SCAI: variants seen among roughly 807,000 people sequenced by gnomAD.
The protein encoded by SCAI is protein SCAI.
Under a neutral mutation model 92.2 loss-of-function variants are expected in SCAI, and 24 were observed. That is an observed-to-expected ratio of 0.26 (90% CI 0.19 to 0.37). The LOEUF is 0.37. SCAI is among the 10% of genes least tolerant of loss of function. The probability of loss-of-function intolerance (pLI) is 1.00; values close to 1 mark genes in which losing one functional copy is unlikely to be tolerated. For synonymous variants in SCAI, 261 were observed against 258.6 expected, an observed-to-expected ratio of 1.01 and a Z score of -0.09; for missense variants, 450 against 736.2, an observed-to-expected ratio of 0.61 and a Z score of 4.50.
intron 7 of SCAI, 124 bp downstream of exon 7, chr9:125,020,549 T>C (rs1832851340): frequency 1.9e-6 from 1 of 525,544 alleles, no homozygotes; most frequent in Non-Finnish European, 3.3e-6. Flanking sequence ...CAGAAGTTAC[T>C]ATACTTTGAA....
At chr9:125,029,270 C>T (rs916735956) in intron 4 of SCAI, among the ~76,000 whole-genome samples, 10 of 151,934 alleles carry the variant, frequency 6.6e-5, no homozygotes, top group African/African-American at 2.4e-4. Flanking sequence ...TACAGCTGAG[C>T]ACCACCACAC....
intron 2 of SCAI, among the ~76,000 whole-genome samples, chr9:125,126,960 C>G (rs1344551731): frequency 6.6e-6 from 1 of 152,132 alleles, no homozygotes; most frequent in African/African-American, 2.4e-5. Flanking sequence ...ATATGAACTC[C>G]TTGAGGAGAT....
intron 2 of SCAI, among the ~76,000 whole-genome samples, chr9:125,122,868 C>T (rs1212402135): frequency 1.3e-5 from 2 of 151,998 alleles, no homozygotes; most frequent in African/African-American, 4.8e-5. Flanking sequence ...ATCGCACCAC[C>T]GCATTGCAGC....
At chr9:125,082,735 G>C (rs1179098024) in intron 2 of SCAI, among the ~76,000 whole-genome samples, 2 of 152,220 alleles carry the variant, frequency 1.3e-5, no homozygotes, top group Non-Finnish European at 2.9e-5. Flanking sequence ...TGACTGCCCT[G>C]CTGGATTTTG....
intron 17 of SCAI, 115 bp from the exon 18 acceptor site, chr9:124,953,068 CTTA>C: frequency 2.4e-6 from 2 of 823,916 alleles, no homozygotes; most frequent in South Asian, 1.6e-5. Flanking sequence ...TGGAATGATT[CTTA>C]TTAATATATT....
In SCAI at chr9:125,091,103, C is replaced by T. The variant is rs746053644; in HGVS notation, c.99-35096G>A. On this transcript the variant is annotated intron_variant, in intron 2 of 17. Coordinates refer to ENST00000336505, the MANE Select transcript of SCAI (RefSeq NM_001144877.3). The surrounding 1 kb of genome is among the most constrained non-coding windows in gnomAD (Gnocchi z 4.3). ...CTGCACTCCAGCCTGGGTGACAAAG[C>T]GAGACTCTGTCTCAAAAAAAAGAAA... 1.3e-5 allele frequency among the ~76,000 whole-genome samples: 2 copies of T among 152,044 alleles called. No homozygotes were observed. The highest frequency in any genetic ancestry group is 2.4e-5 in the African/African-American group (1 of 41,376).
intron 7 of SCAI, 77 bp downstream of exon 7, chr9:125,020,596 T>G: frequency 1.5e-6 from 1 of 649,486 alleles, no homozygotes; most frequent in Non-Finnish European, 2.6e-6. Flanking sequence ...TATTTTAACC[T>G]AAAATCTGTT....
At chr9:125,063,737 C>G (rs1182747867) in intron 2 of SCAI, among the ~76,000 whole-genome samples, 1 of 149,498 alleles carries the variant, frequency 6.7e-6, no homozygotes, top group Admixed American at 6.7e-5. Context: ...GTGTTCAGGT[C>G]AATATATCCC....
At chr9:125,098,823 G>C (rs1834618263) in intron 2 of SCAI, among the ~76,000 whole-genome samples, 2 of 152,150 alleles carry the variant, frequency 1.3e-5, no homozygotes, top group African/African-American at 4.8e-5. Flanking sequence ...GCTAGTACTG[G>C]AGATGTTTTG....
intron 5 of SCAI, among the ~76,000 whole-genome samples, chr9:125,027,367 T>A (rs548949671): frequency 1.3e-5 from 2 of 152,314 alleles, no homozygotes; most frequent in South Asian, 2.1e-4. Context: ...AAGAAAACAT[T>A]TCTACCTGAG....
intron 3 of SCAI, among the ~76,000 whole-genome samples, chr9:125,046,196 G>GATTAT (rs1554784576): frequency 1.9e-5 from 1 of 51,868 alleles, no homozygotes; most frequent in Non-Finnish European, 3.6e-5. Flanking sequence ...GAAATTGTGA[G>GATTAT]ATATATATAT....
intron 2 of SCAI, among the ~76,000 whole-genome samples, chr9:125,139,359 G>A (rs1039981431): frequency 6.6e-6 from 1 of 152,092 alleles, no homozygotes; most frequent in Non-Finnish European, 1.5e-5. Flanking sequence ...GCTCCAGTGA[G>A]CCATTGTCAC....
In SCAI at chr9:125,099,845, T is replaced by C. The variant is rs78293848; in HGVS notation, c.98+42788A>G. ...GCATAGTGTCTTCAACGTTCATCCA[T>C]GTTGTAGCATGTGTCAGAATTTCAT... On this transcript the variant is annotated intron_variant, in intron 2 of 17. Transcript: ENST00000336505. Among the ~76,000 whole-genome samples the C allele has an allele frequency of 8.1e-3, 1,236 of 152,360 alleles. 21 individuals carry two copies. Among genetic ancestry groups the C allele is most frequent in the African/African-American group, 0.028 (1,158 of 41,580 alleles).
At chr9:124,995,576 A>G (rs1832222412) in intron 13 of SCAI, among the ~76,000 whole-genome samples, 1 of 151,056 alleles carries the variant, frequency 6.6e-6, no homozygotes, top group South Asian at 2.1e-4. Context: ...AGCAACCTCC[A>G]TGTCCCGGGC....
intron 2 of SCAI, among the ~76,000 whole-genome samples, chr9:125,109,297 T>A (rs1834884889): frequency 6.6e-6 from 1 of 152,010 alleles, no homozygotes; most frequent in Non-Finnish European, 1.5e-5. Flanking sequence ...TTCCCTCCAC[T>A]ATTGTCCTAT....
intron 17 of SCAI, among the ~76,000 whole-genome samples, chr9:124,955,628 A>T (rs76052887): frequency 0.019 from 2,946 of 151,984 alleles, 92 homozygotes; most frequent in African/African-American, 0.067. Context: ...CTCAAAAAAA[A>T]TTTTTTTAAA....
chr9:124,953,683 GATTA>G (rs1186372749), intron 17 of SCAI, among the ~76,000 whole-genome samples: 1 of 151,738 alleles, frequency 6.6e-6, no homozygotes, highest in African/African-American at 2.4e-5. Flanking sequence ...AAAGTGTTGG[GATTA>G]CAGGCGTGAG....
chr9:125,142,248 T>C, intron 2 of SCAI: 1 of 175,548 alleles, frequency 5.7e-6, no homozygotes, highest in Non-Finnish European at 1.2e-5. Flanking sequence ...ATGATCCTCC[T>C]GCCTCAGCCT....
Position 124,992,530 on chromosome 9 carries a change from C to T in SCAI, c.1326+2404G>A, listed in dbSNP as rs528780266. Among the ~76,000 whole-genome samples the T allele has an allele frequency of 4.6e-5, 7 of 152,054 alleles. No individual in the cohort carries two copies. In the South Asian group the frequency reaches 1.2e-3, roughly 27 times the overall value. On this transcript the variant is annotated intron_variant, in intron 14 of 17. Coordinates refer to ENST00000336505, the MANE Select transcript of SCAI (RefSeq NM_001144877.3). ...TCCCAAGTAGCTGGGACTACAGGTGCACACCACCCCTCCCAGCTAATTTTT... is the reference window on the plus strand; with the variant it reads ...TCCCAAGTAGCTGGGACTACAGGTGTACACCACCCCTCCCAGCTAATTTTT...
Sources: gnomAD v4.1 joint callset for allele counts (sites outside exome capture counted in the v4.1 genomes callset) on GRCh38, gnomAD v4.1.1 for gene constraint, Gnocchi (gnomAD v3.1) non-coding constraint, MANE v1.5 for transcripts, NCBI Gene and HGNC (gene_info 2026-07-23, HGNC 2026-07-21) for gene names.